Variants in SYNPR observed in about 807,000 individuals in gnomAD.
SYNPR encodes synaptoporin.
SYNPR carries 23 observed loss-of-function variants against 32.9 expected under a neutral mutation model. That is an observed-to-expected ratio of 0.70 (90% confidence interval 0.50 to 0.99). The LOEUF is 0.99. Among genes scored for constraint, SYNPR ranks in the 50% least tolerant of loss-of-function variants. The pLI, the probability that SYNPR is intolerant of heterozygous loss-of-function variation, is 0.00. For missense variants in SYNPR, 318 were observed against 349.3 expected, an observed-to-expected ratio of 0.91 and a Z score of 0.71; for synonymous variants, 146 against 135.9, an observed-to-expected ratio of 1.07 and a Z score of -0.52.
chr3:63,414,521 CT>C (rs1365993709), intron 2 of SYNPR, among the ~76,000 whole-genome samples: 19 of 152,250 alleles, frequency 1.2e-4, no homozygotes, highest in South Asian at 6.2e-4. Context: ...CTGTCTTTGT[CT>C]TTTCATTATT....
At chr3:63,574,433 A>T (rs1050528806) in intron 4 of SYNPR, among the ~76,000 whole-genome samples, 1 of 152,160 alleles carries the variant, frequency 6.6e-6, no homozygotes, top group African/African-American at 2.4e-5. Flanking sequence ...TCTTCCCATG[A>T]TGCCTTGTGT....
chr3:63,225,896 A>G (rs11130918), upstream of SYNPR, among the ~76,000 whole-genome samples: 1 of 151,772 alleles, frequency 6.6e-6, no homozygotes, highest in Non-Finnish European at 1.5e-5. Flanking sequence ...ATATTTGCAA[A>G]CTATTAATAT....
intron 3 of SYNPR, among the ~76,000 whole-genome samples, chr3:63,553,405 G>GT (rs1284981215): frequency 6.6e-6 from 1 of 152,200 alleles, no homozygotes; most frequent in Non-Finnish European, 1.5e-5. Flanking sequence ...GAACATGCAA[G>GT]TGCATGGGTC....
intron 4 of SYNPR, among the ~76,000 whole-genome samples, chr3:63,600,844 T>A (rs561784204): frequency 1.2e-4 from 18 of 152,312 alleles, no homozygotes; most frequent in African/African-American, 3.8e-4. Context: ...TCACCCAGTC[T>A]CTGGCAGTTC....
chr3:63,501,416 C>A lies in SYNPR; in HGVS notation c.209+20460C>A, dbSNP rs572792793. 6.8e-5 allele frequency among the ~76,000 whole-genome samples: 10 copies of A among 147,840 alleles called. No homozygotes were observed. In the East Asian group the frequency reaches 2.0e-3, roughly 30 times the overall value. On this transcript the variant is annotated intron_variant, in intron 3 of 5. Transcript: ENST00000478300. ...ATCACTTGCACCTGGGAGGTTAATG[C>A]TGCAGTAAGCTGAGTTTCTGTTAGT... is the stretch of plus-strand genomic sequence containing the variant.
At chr3:63,416,279 C>G (rs1050407370) in intron 2 of SYNPR, among the ~76,000 whole-genome samples, 7 of 152,140 alleles carry the variant, frequency 4.6e-5, no homozygotes, top group African/African-American at 1.7e-4. Flanking sequence ...GCCTGTAATC[C>G]CAGCACTTTG....
At chr3:63,459,698 G>C (rs1050923350) in intron 2 of SYNPR, among the ~76,000 whole-genome samples, 5 of 151,924 alleles carry the variant, frequency 3.3e-5, no homozygotes, top group African/African-American at 1.2e-4. Context: ...ATTTTAAGAA[G>C]CAGAAAAGCT....
intron 3 of SYNPR, among the ~76,000 whole-genome samples, chr3:63,534,535 G>A (rs73831885): frequency 0.12 from 17,860 of 152,156 alleles, 1,197 homozygotes; most frequent in Middle Eastern, 0.22. Context: ...CAGATACTCT[G>A]CTAAGATCTT....
Position 63,604,884 on chromosome 3 carries a change from G to A in SYNPR, c.409-4241G>A, listed in dbSNP as rs563138944. Among the ~76,000 whole-genome samples, 17 of 152,266 alleles carry A rather than the reference G, an allele frequency of 1.1e-4. No individual in the cohort carries two copies. In the South Asian group the frequency reaches 3.1e-3, roughly 28 times the overall value. Reference sequence around the variant, plus strand: ...ATTATTTGCTCTAATTATAAAATGAGTTTTTACATACATAAGCTTATGTAA... The same window carrying A: ...ATTATTTGCTCTAATTATAAAATGAATTTTTACATACATAAGCTTATGTAA... On this transcript the variant is annotated intron_variant, in intron 4 of 5. Transcript: ENST00000478300.
intron 4 of SYNPR, among the ~76,000 whole-genome samples, chr3:63,579,385 T>A (rs1703049750): frequency 6.6e-6 from 1 of 152,098 alleles, no homozygotes; most frequent in Non-Finnish European, 1.5e-5. Flanking sequence ...CAATAAAGTT[T>A]CCCTGGCCAC....
At chr3:63,567,597 A>C (rs1702813516) in intron 4 of SYNPR, among the ~76,000 whole-genome samples, 2 of 152,208 alleles carry the variant, frequency 1.3e-5, no homozygotes, top group Non-Finnish European at 2.9e-5. Context: ...AGTTCATTAG[A>C]CTTTCAAACA....
chr3:63,318,962 AG>A (rs1221043445), intron 2 of SYNPR, among the ~76,000 whole-genome samples: 2 of 151,916 alleles, frequency 1.3e-5, no homozygotes, highest in Non-Finnish European at 2.9e-5. Flanking sequence ...CCCTTGACGT[AG>A]TACTCTCCCC....
intron 2 of SYNPR, among the ~76,000 whole-genome samples, chr3:63,462,723 G>A (rs1391662161): frequency 6.6e-6 from 1 of 152,152 alleles, no homozygotes; most frequent in African/African-American, 2.4e-5. Context: ...CATCTATTAT[G>A]ACTGGGAAGA....
intron 2 of SYNPR, among the ~76,000 whole-genome samples, chr3:63,335,766 CTTTTTT>C (rs3082128): frequency 6.6e-5 from 6 of 91,470 alleles, no homozygotes; most frequent in Middle Eastern, 7.9e-3. Context: ...TATTAGCTTC[CTTTTTT>C]TTTTTTTTTT....
At chr3:63,264,799 C>T (rs186225690) in intron 2 of SYNPR, among the ~76,000 whole-genome samples, 33 of 152,224 alleles carry the variant, frequency 2.2e-4, no homozygotes, top group Middle Eastern at 6.8e-3. Context: ...CAGGCACTTT[C>T]CTCACAGGGT....
At position 63,595,836 on chromosome 3, in the gene SYNPR, TATATATAGTTTTATA is replaced by T. The variant is rs1699945907; in HGVS notation, c.409-13288_409-13274del. Among the ~76,000 whole-genome samples the T allele has an allele frequency of 1.2e-4, 9 of 72,304 alleles. 1 individual carries two copies. In the Admixed American group the frequency reaches 1.4e-3, roughly 11 times the overall value. 47.4% of individuals were successfully genotyped at this position (72,304 alleles called of 152,430 possible). A position where few individuals can be genotyped will look rare whatever the true frequency, so the allele number is the denominator to read the frequency against. ...ATATAGTTTTATATATATATAGTTA[TATATATAGTTTTATA>T]TATATATAGTTATATATATATAATT... On this transcript the variant is annotated intron_variant, in intron 4 of 5. Transcript: ENST00000478300.
intron 3 of SYNPR, among the ~76,000 whole-genome samples, chr3:63,495,480 G>A (rs1273089650): frequency 4.6e-5 from 7 of 152,182 alleles, no homozygotes; most frequent in Non-Finnish European, 8.8e-5. Context: ...TAAGTACAGA[G>A]CTGGGGCTTC....
chr3:63,300,915 A>G (rs1281134162), intron 2 of SYNPR, among the ~76,000 whole-genome samples: 2 of 152,134 alleles, frequency 1.3e-5, no homozygotes, highest in Admixed American at 6.6e-5. Flanking sequence ...CTGATCAAAG[A>G]TAGGATAAAT....
At chr3:63,449,387 C>T (rs897820047) in intron 2 of SYNPR, among the ~76,000 whole-genome samples, 1 of 152,102 alleles carries the variant, frequency 6.6e-6, no homozygotes, top group African/African-American at 2.4e-5. Flanking sequence ...ACCAGGATTT[C>T]TCAAACTTGG....
Sources: allele counts gnomAD v4.1 joint callset (sites outside exome capture counted in the v4.1 genomes callset), GRCh38; gene constraint gnomAD v4.1.1; transcripts MANE v1.5; gene names NCBI Gene and HGNC (gene_info 2026-07-23, HGNC 2026-07-21).